The following CAMK1D variants were observed in gnomAD, a reference collection of about 807,000 sequenced individuals.
CAMK1D encodes the protein calcium/calmodulin dependent protein kinase ID, also known as calcium/calmodulin-dependent protein kinase type 1D.
Under a neutral mutation model 47.7 loss-of-function variants are expected in CAMK1D, and 9 were observed. That is an observed-to-expected ratio of 0.19 (90% confidence interval 0.11 to 0.33). CAMK1D has a LOEUF of 0.33. Among genes scored for constraint, CAMK1D ranks in the 10% least tolerant of loss-of-function variants. The pLI, the probability that CAMK1D is intolerant of heterozygous loss-of-function variation, is 1.00. For missense variants in CAMK1D, 291 were observed against 488.7 expected (o/e 0.60, Z 3.81); for synonymous variants, 184 against 184.9 (o/e 0.99, Z 0.04).
intron 5 of CAMK1D, among the ~76,000 whole-genome samples, chr10:12,774,158 T>C (rs188504399): frequency 1.3e-5 from 2 of 152,138 alleles, no homozygotes; most frequent in African/African-American, 4.8e-5. Flanking sequence ...GAGAGAGACA[T>C]AGGCTATAAA....
intron 3 of CAMK1D, among the ~76,000 whole-genome samples, chr10:12,754,316 A>G (rs1379451283): frequency 6.6e-6 from 1 of 152,034 alleles, no homozygotes; most frequent in Non-Finnish European, 1.5e-5. Flanking sequence ...CCTCAAAGCC[A>G]TTCACACCCT....
At chr10:12,431,934 G>A (rs558532184) in intron 1 of CAMK1D, among the ~76,000 whole-genome samples, 1 of 152,322 alleles carries the variant, frequency 6.6e-6, no homozygotes, top group East Asian at 1.9e-4. Flanking sequence ...TTGGCCATGC[G>A]GCAGGGTCTG....
chr10:12,683,428 T>C (rs1014337711), intron 3 of CAMK1D, among the ~76,000 whole-genome samples: 1 of 152,228 alleles, frequency 6.6e-6, no homozygotes, highest in Non-Finnish European at 1.5e-5. Context: ...TAAAAACCAA[T>C]TTATCAATTC....
At chr10:12,685,186 A>G (rs540038442) in intron 3 of CAMK1D, among the ~76,000 whole-genome samples, 130 of 152,228 alleles carry the variant, frequency 8.5e-4, no homozygotes, top group Non-Finnish European at 1.5e-3. Context: ...CTGTAGTCCC[A>G]GCTACTCGGG....
chr10:12,817,023 G>A (rs541458268), intron 8 of CAMK1D, among the ~76,000 whole-genome samples: 1 of 152,260 alleles, frequency 6.6e-6, no homozygotes, highest in East Asian at 1.9e-4. Context: ...TTACATGGAT[G>A]GGAGCAGGCA....
At chr10:12,423,198 A>T (rs1462890517) in intron 1 of CAMK1D, among the ~76,000 whole-genome samples, 1 of 152,054 alleles carries the variant, frequency 6.6e-6, no homozygotes, top group African/African-American at 2.4e-5. Flanking sequence ...TATACGGGTG[A>T]CCACTTAGCT....
At chr10:12,666,178 G>A (rs1487147092) in intron 2 of CAMK1D, among the ~76,000 whole-genome samples, 30 of 151,922 alleles carry the variant, frequency 2.0e-4, no homozygotes, top group Admixed American at 1.5e-3. Flanking sequence ...GTGGGGTGGG[G>A]TGGGGGGACA....
At chr10:12,700,462 C>T (rs1018747258) in intron 3 of CAMK1D, among the ~76,000 whole-genome samples, 4 of 152,138 alleles carry the variant, frequency 2.6e-5, no homozygotes, top group Admixed American at 2.6e-4. Context: ...TCAACTACCG[C>T]CCACTGGGCC....
intron 3 of CAMK1D, among the ~76,000 whole-genome samples, chr10:12,726,189 G>T (rs1022940658): frequency 2.0e-5 from 3 of 151,982 alleles, no homozygotes; most frequent in African/African-American, 7.2e-5. Context: ...ACTTTGGGAG[G>T]CCTAGGCGGG....
chr10:12,683,212 G>C (rs528204600), intron 3 of CAMK1D, among the ~76,000 whole-genome samples: 1 of 151,530 alleles, frequency 6.6e-6, no homozygotes, highest in East Asian at 1.9e-4. Context: ...TCAGCCTCCC[G>C]AGTAGCTGGG....
intron 6 of CAMK1D, among the ~76,000 whole-genome samples, chr10:12,805,959 A>C (rs775849109): frequency 1.1e-4 from 17 of 152,206 alleles, no homozygotes; most frequent in Non-Finnish European, 2.4e-4. Flanking sequence ...TGCCACGATG[A>C]TGGTGCCTAG....
chr10:12,627,718 C>T (rs2132457945), intron 2 of CAMK1D, among the ~76,000 whole-genome samples: 2 of 152,252 alleles, frequency 1.3e-5, no homozygotes, highest in Middle Eastern at 6.8e-3. Context: ...TTCTTTTTCA[C>T]TGCATGTATG....
Position 12,426,493 on chromosome 10 carries a change from C to G in CAMK1D, c.92+76583C>G, listed in dbSNP as rs552288058. 3.9e-5 allele frequency among the ~76,000 whole-genome samples: 6 copies of G among 152,224 alleles called. No homozygotes were observed. In the East Asian group the frequency reaches 1.2e-3, roughly 29 times the overall value. On this transcript the variant is annotated intron_variant, in intron 1 of 10. Transcript: ENST00000619168. ...ACTCCCGACCTCAGCTGATTGCCGG[C>G]CTCAGCCTCCCAAAGTGCTGGGATT...
At chr10:12,513,095 C>T (rs1406027489) in intron 1 of CAMK1D, among the ~76,000 whole-genome samples, 2 of 152,156 alleles carry the variant, frequency 1.3e-5, no homozygotes, top group South Asian at 2.1e-4. Flanking sequence ...TTGTCATATT[C>T]CCTGAATCAA....
rs541933659 is a variant in CAMK1D, at chr10:12,401,053, TTA to T, written c.92+51153_92+51154del. The stretch of plus-strand genomic sequence containing the variant: ...TATATAAATATATGTATTATATATA[TTA>T]TATATATATTTTATATATATAATAT... On this transcript the variant is annotated intron_variant, in intron 1 of 10. Coordinates refer to ENST00000619168, the MANE Select transcript of CAMK1D (RefSeq NM_153498.4). Among the ~76,000 whole-genome samples, 198 of 102,814 alleles carry T rather than the reference TTA, an allele frequency of 1.9e-3. 1 individual carries two copies. Among genetic ancestry groups the T allele is most frequent in the Non-Finnish European group, 2.9e-3 (158 of 54,388 alleles). The allele number at this position is 102,814 out of a possible 152,430, so 67.4% of individuals were successfully genotyped here.
intron 3 of CAMK1D, among the ~76,000 whole-genome samples, chr10:12,710,790 T>C (rs1833908466): frequency 2.0e-5 from 3 of 152,084 alleles, no homozygotes; most frequent in Non-Finnish European, 4.4e-5. Flanking sequence ...GAACCTCTGG[T>C]ATATAAACAA....
chr10:12,408,948 G>T (rs781778758), intron 1 of CAMK1D, among the ~76,000 whole-genome samples: 11 of 150,800 alleles, frequency 7.3e-5, no homozygotes, highest in Non-Finnish European at 1.3e-4. Flanking sequence ...CCACCTCCCG[G>T]ATTCAAGCAA....
At chr10:12,726,589 A>G (rs974504380) in intron 3 of CAMK1D, among the ~76,000 whole-genome samples, 1 of 152,206 alleles carries the variant, frequency 6.6e-6, no homozygotes, top group African/African-American at 2.4e-5. Flanking sequence ...AGGACATGCC[A>G]TCGTTGTTAT....
intron 1 of CAMK1D, among the ~76,000 whole-genome samples, chr10:12,427,700 G>GTTTTTTTTTTTTTGTTT (rs1840286688): frequency 3.2e-5 from 1 of 31,030 alleles, no homozygotes; most frequent in Non-Finnish European, 6.2e-5. Context: ...TGAACTTACT[G>GTTTTTTTTTTTTTGTTT]TTTTTTTTTT....
Sources: allele counts gnomAD v4.1 joint callset (sites outside exome capture counted in the v4.1 genomes callset), GRCh38; gene constraint gnomAD v4.1.1; transcripts MANE v1.5; gene names NCBI Gene and HGNC (gene_info 2026-07-23, HGNC 2026-07-21).